Variants in NEK1 observed in about 807,000 individuals in gnomAD.
The protein encoded by NEK1 is serine/threonine-protein kinase Nek1.
NEK1 carries 137 observed loss-of-function variants against 182.1 expected under a neutral mutation model. The ratio of observed to expected loss-of-function variants is 0.75; its 90% CI spans 0.65 to 0.87. The LOEUF (loss-of-function observed/expected upper bound fraction) is 0.87. Among genes scored for constraint, NEK1 ranks in the 40% least tolerant of loss-of-function variants. NEK1 has a pLI of 0.00. For missense variants in NEK1, 1,391 were observed against 1,494.4 expected (o/e 0.93, Z 1.14); for synonymous variants, 513 against 492.2 (o/e 1.04, Z -0.56).
intron 16 of NEK1, among the ~76,000 whole-genome samples, chr4:169,559,127 G>A (rs1052093900): frequency 9.2e-5 from 14 of 152,270 alleles, no homozygotes; most frequent in African/African-American, 2.9e-4. Flanking sequence ...TCAGTACACA[G>A]TATGTAACTT....
chr4:169,587,406 T>C (rs2150078313), intron 9 of NEK1, among the ~76,000 whole-genome samples, 153 bp downstream of exon 9: 1 of 152,028 alleles, frequency 6.6e-6, no homozygotes, highest in Admixed American at 6.6e-5. Flanking sequence ...AATCGATTTA[T>C]ACTTCAGAAA....
In NEK1 at chr4:169,481,564, C is replaced by A. The variant is rs1457428689; in HGVS notation, c.2008-2030G>T. Among the ~76,000 whole-genome samples the A allele has an allele frequency of 2.0e-5, 3 of 152,108 alleles. No homozygotes were observed. In the East Asian group the frequency reaches 5.8e-4, roughly 29 times the overall value. ...ATCAGAGCTCTTGGGTAACTAGGTG[C>A]CTTGTCAATGAGTAGTAATATTTGG... On this transcript the variant is annotated intron_variant, in intron 23 of 35. Transcript: ENST00000507142.
chr4:169,545,451 T>A (rs974832837), intron 18 of NEK1, among the ~76,000 whole-genome samples: 1 of 150,716 alleles, frequency 6.6e-6, no homozygotes, highest in African/African-American at 2.5e-5. Flanking sequence ...AGTCTATCAT[T>A]GTTGGACATT....
At chr4:169,397,342 T>C (rs1730903318) in intron 35 of NEK1, among the ~76,000 whole-genome samples, 1 of 152,218 alleles carries the variant, frequency 6.6e-6, no homozygotes, top group African/African-American at 2.4e-5. Context: ...TCAATGAATA[T>C]GAAATCTATA....
intron 26 of NEK1, among the ~76,000 whole-genome samples, chr4:169,474,577 A>G (rs1746613984): frequency 6.6e-6 from 1 of 152,136 alleles, no homozygotes; most frequent in Non-Finnish European, 1.5e-5. Context: ...CCAAGCTCAC[A>G]TTGCCTCTTC....
chr4:169,532,136 G>C (rs1046315789), intron 19 of NEK1, among the ~76,000 whole-genome samples: 2 of 152,156 alleles, frequency 1.3e-5, no homozygotes, highest in Non-Finnish European at 2.9e-5. Flanking sequence ...GAAACTTTTA[G>C]GGGGGCAATG....
chr4:169,508,531 A>G (rs1376200896), intron 20 of NEK1, among the ~76,000 whole-genome samples, 200 bp from the exon 21 acceptor site: 1 of 152,234 alleles, frequency 6.6e-6, no homozygotes, highest in Non-Finnish European at 1.5e-5. Flanking sequence ...AGAAAGAAAT[A>G]CATTATAAAA....
chr4:169,466,269 T>A (rs1744908936), intron 26 of NEK1, among the ~76,000 whole-genome samples: 1 of 151,788 alleles, frequency 6.6e-6, no homozygotes, highest in Non-Finnish European at 1.5e-5. Flanking sequence ...GGCCACGAGT[T>A]TTTCAAGTTT....
intron 23 of NEK1, among the ~76,000 whole-genome samples, chr4:169,488,684 T>C (rs1383062020): frequency 6.6e-6 from 1 of 152,194 alleles, no homozygotes; most frequent in Non-Finnish European, 1.5e-5. Flanking sequence ...TGCCAAACTT[T>C]ACATTAATAT....
intron 27 of NEK1, 85 bp downstream of exon 27, chr4:169,463,158 C>T (rs1744281342): frequency 1.4e-6 from 1 of 737,986 alleles, no homozygotes; most frequent in Admixed American, 3.7e-5. Flanking sequence ...AAATAATTCA[C>T]TTAAAATGGA....
chr4:169,513,973 A>ATTTATTTATTTT (rs1343560111), intron 19 of NEK1, among the ~76,000 whole-genome samples: 13 of 146,910 alleles, frequency 8.8e-5, no homozygotes, highest in African/African-American at 3.4e-4. Flanking sequence ...TTTGTTATTT[A>ATTTATTTATTTT]TTTATTTATT....
chr4:169,477,396 G>A, intron 25 of NEK1, 36 bp downstream of exon 25: 1 of 1,566,624 alleles, frequency 6.4e-7, no homozygotes, highest in East Asian at 2.3e-5. Flanking sequence ...ATATCATTAA[G>A]TAAAATGATT....
Position 169,479,496 on chromosome 4 carries a change from T to G in NEK1, c.2046A>C (p.Pro682=). 1 of 1,610,978 alleles carries G rather than the reference T, an allele frequency of 6.2e-7. No homozygotes were observed. Residue 682 remains proline, a synonymous_variant, in exon 24 of 36, where the codon CCA becomes CCC. Transcript: ENST00000507142. ...AKGVKSSDVS[P]PLGQHETGGS... ...CACCTGTTTCATGCTGTCCCAAAGG[T>G]GGAGAAACATCAGAACTCTTAACTC...
rs752976008 is a variant in NEK1, at chr4:169,555,827, T to C, written c.1455A>G (p.Pro485=). 27 of 1,613,858 alleles carry C rather than the reference T, an allele frequency of 1.7e-5. No homozygotes were observed. Among genetic ancestry groups the C allele is most frequent in the East Asian group, 2.2e-5 (1 of 44,890 alleles). Residue 485 remains proline (P), a synonymous_variant, in exon 18 of 36, where the codon CCA becomes CCG. Coordinates refer to ENST00000507142, the MANE Select transcript of NEK1 (RefSeq NM_001199397.3). ...PERGILPGVR[P]GFPYGAAGHH... Reference sequence around the variant, plus strand: ...GACCTGCAGCCCCATAAGGAAATCCTGGACGAACTCCAGGCAGAATTCCTC... The same window carrying C: ...GACCTGCAGCCCCATAAGGAAATCCCGGACGAACTCCAGGCAGAATTCCTC...
intron 32 of NEK1, among the ~76,000 whole-genome samples, chr4:169,402,547 T>G (rs781360521): frequency 6.6e-6 from 1 of 152,210 alleles, no homozygotes; most frequent in Non-Finnish European, 1.5e-5. Flanking sequence ...TTCCAAAGTA[T>G]TGGTAAGAAT....
intron 4 of NEK1, among the ~76,000 whole-genome samples, chr4:169,601,722 C>T (rs1770516830): frequency 6.6e-6 from 1 of 151,802 alleles, no homozygotes. Context: ...ATTATACAGG[C>T]ACAGTTGGGA....
intron 10 of NEK1, among the ~76,000 whole-genome samples, chr4:169,583,204 T>G (rs764773763): frequency 1.3e-5 from 2 of 150,346 alleles, no homozygotes; most frequent in Admixed American, 6.7e-5. Flanking sequence ...GAGGTGGAGG[T>G]TGCAGTGAGC....
intron 2 of NEK1, among the ~76,000 whole-genome samples, chr4:169,611,341 G>C (rs1046384926): frequency 3.9e-5 from 6 of 152,146 alleles, no homozygotes; most frequent in Non-Finnish European, 5.9e-5. Context: ...AAGTGAAACA[G>C]ATCTGTAGAA....
Position 169,477,256 on chromosome 4 carries a change from C to CATA in NEK1, c.2301_2302insTAT (p.Asn767_Val768insTyr). 1 of 1,599,470 alleles carries CATA rather than the reference C, an allele frequency of 6.3e-7. No individual in the cohort carries two copies. The highest frequency in any genetic ancestry group is 8.5e-7 in the Non-Finnish European group (1 of 1,171,528). ...TCATGCTCTTTGGCATCTTCATGAA[C>CATA]ATTTATCTCAAAAGTATCAGAGAGA... On this transcript the variant is annotated inframe_insertion, in exon 26 of 36. Coordinates refer to ENST00000507142, the MANE Select transcript of NEK1 (RefSeq NM_001199397.3).
Sources: gnomAD v4.1 joint callset for allele counts (sites outside exome capture counted in the v4.1 genomes callset) on GRCh38, gnomAD v4.1.1 for gene constraint, MANE v1.5 for transcripts, NCBI Gene and HGNC (gene_info 2026-07-23, HGNC 2026-07-21) for gene names.